TLL1: variants seen among roughly 807,000 people sequenced by gnomAD.
TLL1 encodes tolloid-like protein 1.
TLL1 carries 49 observed loss-of-function variants against 128.2 expected under a neutral mutation model. The observed-to-expected ratio is 0.38, with a 90% CI of 0.30 to 0.48. The LOEUF is 0.48. Ranked by LOEUF, TLL1 falls within the 20% of genes least tolerant of loss-of-function variation. The probability of loss-of-function intolerance (pLI) is 0.96; values close to 1 mark genes in which losing one functional copy is unlikely to be tolerated. For missense variants in TLL1, 1,123 were observed against 1,242.0 expected, an observed-to-expected ratio of 0.90 and a Z score of 1.44; for synonymous variants, 454 against 418.8, an observed-to-expected ratio of 1.08 and a Z score of -1.03.
intron 8 of TLL1, among the ~76,000 whole-genome samples, chr4:166,016,454 G>A (rs543451820): frequency 7.9e-5 from 12 of 152,044 alleles, no homozygotes; most frequent in African/African-American, 2.9e-4. Context: ...CTGAACTGTA[G>A]GAAAGTCAGG....
intron 1 of TLL1, among the ~76,000 whole-genome samples, chr4:165,952,556 A>G (rs138993751): frequency 9.2e-5 from 14 of 152,148 alleles, no homozygotes; most frequent in Non-Finnish European, 1.9e-4. Flanking sequence ...TGCATCTCAC[A>G]GATTTATTTT....
At chr4:165,992,952 C>A (rs1362395850) in intron 3 of TLL1, 68 bp downstream of exon 3, 2 of 1,292,600 alleles carry the variant, frequency 1.5e-6, no homozygotes, top group South Asian at 1.2e-5. Context: ...CATAGCAGTT[C>A]AGTTTATTAA....
At chr4:165,940,564 T>C (rs1733959353) in intron 1 of TLL1, among the ~76,000 whole-genome samples, 1 of 152,004 alleles carries the variant, frequency 6.6e-6, no homozygotes, top group South Asian at 2.1e-4. Context: ...GTTGGTAATT[T>C]TATGGTGGCT....
intron 1 of TLL1, among the ~76,000 whole-genome samples, chr4:165,907,064 G>T (rs1347003329): frequency 6.6e-6 from 1 of 152,038 alleles, no homozygotes; most frequent in Non-Finnish European, 1.5e-5. Flanking sequence ...TATTTTTCTT[G>T]AAACTTCAGT....
At chr4:165,996,228 A>G (rs1484584928) in intron 5 of TLL1, among the ~76,000 whole-genome samples, 1 of 152,164 alleles carries the variant, frequency 6.6e-6, no homozygotes, top group Non-Finnish European at 1.5e-5. Flanking sequence ...CTCAATGATG[A>G]GGATGGTTAA....
chr4:166,070,964 A>G (rs1553967333), intron 16 of TLL1, among the ~76,000 whole-genome samples: 1 of 151,892 alleles, frequency 6.6e-6, no homozygotes, highest in Non-Finnish European at 1.5e-5. Context: ...AAATTTAAAT[A>G]TTTGCATGTT....
chr4:166,092,056 T>TACC (rs1399162935), intron 19 of TLL1, among the ~76,000 whole-genome samples: 7 of 152,072 alleles, frequency 4.6e-5, no homozygotes, highest in Admixed American at 4.6e-4. Context: ...GTATATCAGT[T>TACC]AAATGTATAT....
At chr4:165,926,839 G>A (rs1050333749) in intron 1 of TLL1, among the ~76,000 whole-genome samples, 1 of 152,264 alleles carries the variant, frequency 6.6e-6, no homozygotes, top group East Asian at 1.9e-4. Context: ...GGTTTGTGCA[G>A]TTCAACAACG....
intron 1 of TLL1, among the ~76,000 whole-genome samples, chr4:165,876,695 TAAG>T (rs1404023491): frequency 1.3e-5 from 2 of 152,224 alleles, no homozygotes; most frequent in African/African-American, 4.8e-5. Flanking sequence ...ATGTCTTCAT[TAAG>T]ATTATTCAGA....
chr4:165,874,853 GCCTCTCGCGCGCGCGGGGCGGCGCTTC>G (rs1358129295), intron 1 of TLL1: 1 of 152,336 alleles, frequency 6.6e-6, no homozygotes, highest in African/African-American at 2.4e-5. Flanking sequence ...GCCGCTGCCA[GCCTCTCGCGCGCGCGGGGCGGCGCTTC>G]CCTCTCGCCG....
chr4:165,989,663 ATT>A (rs5863792), intron 2 of TLL1, among the ~76,000 whole-genome samples, 172 bp downstream of exon 2: 4 of 145,526 alleles, frequency 2.7e-5, no homozygotes, highest in Admixed American at 1.4e-4. Flanking sequence ...CATTTTATTA[ATT>A]TTTTTTTTTT....
chr4:166,008,802 C>CTT (rs34689194), intron 7 of TLL1, among the ~76,000 whole-genome samples: 7 of 142,434 alleles, frequency 4.9e-5, no homozygotes, highest in African/African-American at 1.8e-4. Context: ...CATTTCAACT[C>CTT]TTTTTTTTTT....
chr4:165,966,236 A>G (rs1735366675), intron 1 of TLL1, among the ~76,000 whole-genome samples: 1 of 152,032 alleles, frequency 6.6e-6, no homozygotes, highest in African/African-American at 2.4e-5. Flanking sequence ...AACCACCTCA[A>G]TAAAGACAAA....
At chr4:165,899,155 C>A (rs1731833648) in intron 1 of TLL1, among the ~76,000 whole-genome samples, 1 of 151,858 alleles carries the variant, frequency 6.6e-6, no homozygotes, top group Admixed American at 6.6e-5. Context: ...TTTTGTTAAT[C>A]TTTTCAAACA....
At chr4:166,059,302 T>C (rs1175946038) in intron 14 of TLL1, among the ~76,000 whole-genome samples, 1 of 152,148 alleles carries the variant, frequency 6.6e-6, no homozygotes, top group Non-Finnish European at 1.5e-5. Context: ...TTATGAACTG[T>C]GTACAATGTA....
At chr4:166,043,169 T>A in intron 11 of TLL1, 105 bp from the exon 12 acceptor site, 2 of 1,470,102 alleles carry the variant, frequency 1.4e-6, no homozygotes, top group Non-Finnish European at 9.5e-7. Flanking sequence ...CTGGTCTTTA[T>A]GTACTGAGCT....
intron 8 of TLL1, among the ~76,000 whole-genome samples, chr4:166,022,131 T>A (rs1029665023): frequency 6.6e-6 from 1 of 152,088 alleles, no homozygotes; most frequent in African/African-American, 2.4e-5. Flanking sequence ...TGATTCAACA[T>A]CTTTTTATTT....
At chr4:166,054,927 G>A (rs541938918) in intron 12 of TLL1, 149 bp from the exon 13 acceptor site, 33 of 632,526 alleles carry the variant, frequency 5.2e-5, no homozygotes, top group Admixed American at 9.4e-5. Context: ...TACAGTGTAC[G>A]TTCATGAGAA....
At chr4:165,943,074 G>C (rs1106963) in intron 1 of TLL1, among the ~76,000 whole-genome samples, 5,450 of 152,032 alleles carry the variant, frequency 0.036, 295 homozygotes, top group African/African-American at 0.12. Context: ...GTCTAGGTAC[G>C]TTAAATCAAA....
Sources: allele counts gnomAD v4.1 joint callset (sites outside exome capture counted in the v4.1 genomes callset), GRCh38; gene constraint gnomAD v4.1.1; transcripts MANE v1.5; gene names NCBI Gene and HGNC (gene_info 2026-07-23, HGNC 2026-07-21).